Variants in QRFPR observed in about 807,000 individuals in gnomAD.
QRFPR encodes the protein pyroglutamylated RF-amide peptide receptor.
In QRFPR, 37 loss-of-function variants were observed where a neutral mutation model predicts 31.3. The ratio of observed to expected loss-of-function variants is 1.18; its 90% CI spans 0.91 to 1.56. The LOEUF (loss-of-function observed/expected upper bound fraction) is 1.56, where lower values mean the gene tolerates loss of function less well. Ranked by LOEUF, QRFPR falls within the 40% of genes most tolerant of loss-of-function variation. The pLI is 0.00. For missense variants in QRFPR, 542 were observed against 532.5 expected (o/e 1.02, Z -0.18); for synonymous variants, 197 against 192.0 (o/e 1.03, Z -0.22).
chr4:121,357,029 T>C (rs559136488), intron 1 of QRFPR, among the ~76,000 whole-genome samples: 1 of 152,286 alleles, frequency 6.6e-6, no homozygotes, highest in African/African-American at 2.4e-5. Flanking sequence ...AGAGTTACTC[T>C]ATACTAATGC....
At chr4:121,352,564 AT>A (rs1303637827) in intron 1 of QRFPR, among the ~76,000 whole-genome samples, 2 of 152,064 alleles carry the variant, frequency 1.3e-5, no homozygotes, top group Admixed American at 6.6e-5. Context: ...CACTGGCCTA[AT>A]TTTTTAAAAG....
rs73845782 is a variant in QRFPR, at chr4:121,366,216, C to T, written c.340+14092G>A. On this transcript the variant is annotated intron_variant, in intron 1 of 5. Transcript: ENST00000394427. ...CTGAAGCAGACTGGTTGGGTCAAAG[C>T]CTGGCACCAGTATTTCCAGTCTATA... Among the ~76,000 whole-genome samples the T allele has an allele frequency of 9.0e-3, 1,354 of 149,776 alleles. 109 individuals carry two copies. Among genetic ancestry groups the T allele is most frequent in the African/African-American group, 0.032 (1,293 of 40,434 alleles).
At position 121,329,279 on chromosome 4, in the gene QRFPR, T is replaced by A. The variant is rs774075423; in HGVS notation, c.*35A>T. On this transcript the variant is annotated 3_prime_UTR_variant, in exon 6 of 6. Transcript: ENST00000394427. ...AAATAATTTTCTCTTTGGGTTACAA[T>A]CTGAAGGGCATTAATTATGAAGATA... is the stretch of plus-strand genomic sequence containing the variant. The A allele has an allele frequency of 6.0e-6, 9 of 1,489,884 alleles. No individual in the cohort carries two copies. The highest frequency in any genetic ancestry group is 1.8e-4 in the Middle Eastern group (1 of 5,650). 92.3% of individuals were successfully genotyped at this position (1,489,884 alleles called of 1,614,324 possible).
At chr4:121,363,768 C>G (rs1432224274) in intron 1 of QRFPR, among the ~76,000 whole-genome samples, 1 of 150,070 alleles carries the variant, frequency 6.7e-6, no homozygotes, top group Non-Finnish European at 1.5e-5. Flanking sequence ...TTCTTTCTCT[C>G]TTCCACCCTT....
At chr4:121,378,755 C>G (rs1034794385) in intron 1 of QRFPR, among the ~76,000 whole-genome samples, 3 of 152,090 alleles carry the variant, frequency 2.0e-5, no homozygotes, top group South Asian at 2.1e-4. Flanking sequence ...TCTCTAATCC[C>G]TAATATTTTA....
At chr4:121,377,910 A>G (rs1560748283) in intron 1 of QRFPR, among the ~76,000 whole-genome samples, 1 of 152,160 alleles carries the variant, frequency 6.6e-6, no homozygotes, top group Non-Finnish European at 1.5e-5. Flanking sequence ...TTAATTTATC[A>G]AGGAAATTTT....
chr4:121,369,568 G>A (rs2110483530), intron 1 of QRFPR: 1 of 1,610,558 alleles, frequency 6.2e-7, no homozygotes, highest in Admixed American at 1.7e-5. Context: ...CCATTCGGTT[G>A]GCCTGGGCAC....
intron 1 of QRFPR, among the ~76,000 whole-genome samples, chr4:121,345,690 CT>C (rs1725631588): frequency 6.6e-6 from 1 of 152,122 alleles, no homozygotes; most frequent in African/African-American, 2.4e-5. Context: ...GGTTTAATAT[CT>C]ACTGCCTTCC....
rs573102002 is a variant in QRFPR at position 121,330,789 on chromosome 4, G to A, written c.798-266C>T. On this transcript the variant is annotated intron_variant, in intron 4 of 5. Coordinates refer to ENST00000394427, the MANE Select transcript of QRFPR (RefSeq NM_198179.3). Reference sequence around the variant, plus strand: ...TAATGTCATTAATTTACCCAATAAGGCATTTGATAGATGCAGAAATTGAGA... The same window carrying A: ...TAATGTCATTAATTTACCCAATAAGACATTTGATAGATGCAGAAATTGAGA... 1.2e-3 allele frequency among the ~76,000 whole-genome samples: 190 copies of A among 152,158 alleles called. 1 individual carries two copies. In the Middle Eastern group the frequency reaches 0.017, roughly 14 times the overall value.
intron 2 of QRFPR, among the ~76,000 whole-genome samples, chr4:121,338,603 G>A (rs1452560259): frequency 6.6e-6 from 1 of 152,188 alleles, no homozygotes; most frequent in South Asian, 2.1e-4. Context: ...GCCCAGGGAA[G>A]CGAAAAGATT....
chr4:121,370,053 C>T, intron 1 of QRFPR: 1 of 772,664 alleles, frequency 1.3e-6, no homozygotes, highest in Non-Finnish European at 2.4e-6. Context: ...TAGCTTTAGC[C>T]TTCACCACTG....
intron 1 of QRFPR, among the ~76,000 whole-genome samples, chr4:121,352,917 A>G (rs550964984): frequency 6.6e-6 from 1 of 151,990 alleles, no homozygotes; most frequent in Non-Finnish European, 1.5e-5. Flanking sequence ...TCTATCTCCA[A>G]AAGTTCATTT....
intron 1 of QRFPR, among the ~76,000 whole-genome samples, chr4:121,377,562 T>C (rs1490530018): frequency 2.0e-5 from 3 of 152,158 alleles, no homozygotes; most frequent in Admixed American, 6.5e-5. Flanking sequence ...CACTGACCCC[T>C]ATTCCTAGAA....
In QRFPR at chr4:121,336,855, C is replaced by T; in HGVS notation, c.513G>A (p.Leu171=). The change falls in exon 3 of 6, where the codon CTG becomes CTA. Residue 171 remains leucine, a synonymous_variant. Transcript: ENST00000394427. Reference sequence around the variant, plus strand: ...TGGGTGATCCTACGATGACTGCCACCAGCCAGACCACACCTGTAAAAGTGT... The same window carrying T: ...TGGGTGATCCTACGATGACTGCCACTAGCCAGACCACACCTGTAAAAGTGT... ...RAFTMLGVVW[L]VAVIVGSPMW... is the part of the protein sequence containing the mutation. 6.2e-7 allele frequency: 1 copy of T among 1,614,084 alleles called. No homozygotes were observed. Among genetic ancestry groups the T allele is most frequent in the Admixed American group, 1.7e-5 (1 of 60,026 alleles).
intron 1 of QRFPR, among the ~76,000 whole-genome samples, chr4:121,376,219 A>C (rs1218686651): frequency 1.3e-5 from 2 of 152,200 alleles, no homozygotes; most frequent in African/African-American, 2.4e-5. Context: ...GGGTGCAGAG[A>C]ATCGCCACTT....
intron 1 of QRFPR, among the ~76,000 whole-genome samples, chr4:121,376,406 G>C (rs541975784): frequency 6.6e-6 from 1 of 152,278 alleles, no homozygotes; most frequent in South Asian, 2.1e-4. Flanking sequence ...TCCAACTTTA[G>C]TGTAATTCAT....
chr4:121,372,740 TAGTA>T (rs1403050627), intron 1 of QRFPR, among the ~76,000 whole-genome samples: 2 of 152,238 alleles, frequency 1.3e-5, no homozygotes, highest in East Asian at 3.8e-4. Flanking sequence ...ATCCATGTTG[TAGTA>T]AGTATCAGAA....
In QRFPR at chr4:121,380,291, C is replaced by T; in HGVS notation, c.340+17G>A. 5 of 1,573,996 alleles carry T rather than the reference C, an allele frequency of 3.2e-6. No individual in the cohort carries two copies. The highest frequency in any genetic ancestry group is 1.1e-5 in the South Asian group (1 of 88,750). Reference sequence around the variant, plus strand: ...GGTTAAGAGAGAAGGAGCGAAGGAGCGGGGCGCGACTCTTACCCCCCAGCC... The same window carrying T: ...GGTTAAGAGAGAAGGAGCGAAGGAGTGGGGCGCGACTCTTACCCCCCAGCC... On this transcript the variant is annotated intron_variant, in intron 1 of 5. Coordinates refer to ENST00000394427, the MANE Select transcript of QRFPR (RefSeq NM_198179.3).
chr4:121,339,821 G>T (rs182708268), intron 2 of QRFPR, among the ~76,000 whole-genome samples: 2 of 152,088 alleles, frequency 1.3e-5, no homozygotes, highest in African/African-American at 2.4e-5. Context: ...TGGGTGTGGT[G>T]GTGGGCACAT....
Sources: gnomAD v4.1 joint callset for allele counts (sites outside exome capture counted in the v4.1 genomes callset) on GRCh38, gnomAD v4.1.1 for gene constraint, MANE v1.5 for transcripts, NCBI Gene and HGNC (gene_info 2026-07-23, HGNC 2026-07-21) for gene names.